The following EEPD1 variants were observed in gnomAD, a reference collection of about 807,000 sequenced individuals.
EEPD1 encodes the protein endonuclease/exonuclease/phosphatase family domain containing 1.
In EEPD1, 17 loss-of-function variants were observed where a neutral mutation model predicts 46.3. That is an observed-to-expected ratio of 0.37 (90% CI 0.25 to 0.55). The LOEUF (loss-of-function observed/expected upper bound fraction) is 0.55, where lower values mean the gene tolerates loss of function less well. EEPD1 is among the 20% of genes least tolerant of loss of function. The pLI is 0.83. For synonymous variants in EEPD1, 313 were observed against 315.6 expected (o/e 0.99, Z 0.09); for missense variants, 673 against 745.6 (o/e 0.90, Z 1.13).
At chr7:36,256,945 C>T (rs908475149) in intron 3 of EEPD1, among the ~76,000 whole-genome samples, 1 of 152,170 alleles carries the variant, frequency 6.6e-6, no homozygotes, top group Non-Finnish European at 1.5e-5. Context: ...TATATTTTTG[C>T]AGTGGCTGGT....
chr7:36,198,498 A>C (rs1453927387), intron 2 of EEPD1, among the ~76,000 whole-genome samples: 4 of 151,314 alleles, frequency 2.6e-5, no homozygotes, highest in Admixed American at 6.6e-5. Context: ...CATTATTGAC[A>C]GAGATGTCAT....
intron 6 of EEPD1, among the ~76,000 whole-genome samples, chr7:36,290,103 A>G (rs904628182): frequency 5.9e-5 from 9 of 152,194 alleles, no homozygotes; most frequent in Non-Finnish European, 2.9e-5. Flanking sequence ...GGACAACTTG[A>G]TAGCTTGTCA....
chr7:36,227,829 A>G (rs1786254629), intron 2 of EEPD1, among the ~76,000 whole-genome samples: 1 of 152,220 alleles, frequency 6.6e-6, no homozygotes, highest in African/African-American at 2.4e-5. Context: ...CTGCGATTAC[A>G]GGCACATGCC....
chr7:36,261,116 G>A (rs73326621), intron 3 of EEPD1, among the ~76,000 whole-genome samples: 14,631 of 152,220 alleles, frequency 0.096, 1,010 homozygotes, highest in East Asian at 0.37. Context: ...ATGTGTGGAT[G>A]TGTGCATGGA....
chr7:36,207,605 C>T (rs889174145), intron 2 of EEPD1, among the ~76,000 whole-genome samples: 3 of 152,166 alleles, frequency 2.0e-5, no homozygotes, highest in Admixed American at 2.0e-4. Flanking sequence ...CGGGGATAAG[C>T]GTGGGAAGGG....
chr7:36,290,126 T>A (rs1787406198), intron 6 of EEPD1, among the ~76,000 whole-genome samples: 1 of 152,182 alleles, frequency 6.6e-6, no homozygotes, highest in Non-Finnish European at 1.5e-5. Flanking sequence ...TCTGTGGACA[T>A]TACTATTGTT....
intron 2 of EEPD1, among the ~76,000 whole-genome samples, chr7:36,173,623 C>G (rs1245124754): frequency 1.3e-5 from 2 of 152,182 alleles, no homozygotes; most frequent in Non-Finnish European, 2.9e-5. Flanking sequence ...CCATGCAGAA[C>G]TGTGAGTCAA....
Position 36,169,134 on chromosome 7 carries a change from G to A in EEPD1, c.878+13932G>A, listed in dbSNP as rs139189053. 3.0e-3 allele frequency among the ~76,000 whole-genome samples: 454 copies of A among 152,268 alleles called. 4 individuals are homozygous for A. The highest frequency in any genetic ancestry group is 0.01 in the African/African-American group (431 of 41,546). On this transcript the variant is annotated intron_variant, in intron 2 of 7. Coordinates refer to ENST00000242108, the MANE Select transcript of EEPD1 (RefSeq NM_030636.3). The stretch of plus-strand genomic sequence containing the variant: ...CATTCATCAGGTGATGGACGTTTGG[G>A]TTGTTTCCACTTTTTGGCTATTATG...
intron 3 of EEPD1, among the ~76,000 whole-genome samples, chr7:36,260,274 T>C (rs1221627483): frequency 6.6e-6 from 1 of 152,262 alleles, no homozygotes; most frequent in African/African-American, 2.4e-5. Flanking sequence ...AGTTTTTGTA[T>C]GGGAATGTAT....
chr7:36,266,827 T>G (rs963832972), intron 3 of EEPD1, among the ~76,000 whole-genome samples: 1 of 152,238 alleles, frequency 6.6e-6, no homozygotes, highest in African/African-American at 2.4e-5. Flanking sequence ...AATGGAGTCA[T>G]ACAATATGTA....
At position 36,263,144 on chromosome 7, in the gene EEPD1, C is replaced by A. The variant is rs144412656; in HGVS notation, c.931-17971C>A. Among the ~76,000 whole-genome samples, 120 of 152,212 alleles carry A rather than the reference C, an allele frequency of 7.9e-4. 1 individual carries two copies. The East Asian group carries it at 0.022, about 28-fold the overall frequency. ...TCAGGAGTTTCAAAACCAGCCTGGGCAACATGGTGAAACTCCATTTATACA... is the reference window on the plus strand; with the variant it reads ...TCAGGAGTTTCAAAACCAGCCTGGGAAACATGGTGAAACTCCATTTATACA... On this transcript the variant is annotated intron_variant, in intron 3 of 7. Transcript: ENST00000242108.
intron 2 of EEPD1, among the ~76,000 whole-genome samples, chr7:36,206,295 T>A (rs1281417743): frequency 6.6e-6 from 1 of 152,192 alleles, no homozygotes; most frequent in Non-Finnish European, 1.5e-5. Context: ...TATGCAATTT[T>A]AAATTTTCTT....
intron 2 of EEPD1, among the ~76,000 whole-genome samples, chr7:36,215,504 G>A (rs186817683): frequency 2.6e-5 from 4 of 152,228 alleles, no homozygotes; most frequent in East Asian, 1.9e-4. Context: ...CCACACATCC[G>A]GAAGCTGATT....
chr7:36,183,075 C>G (rs1382108730), intron 2 of EEPD1, among the ~76,000 whole-genome samples: 2 of 152,164 alleles, frequency 1.3e-5, no homozygotes, highest in Admixed American at 6.5e-5. Flanking sequence ...AGTGGAGAGC[C>G]AGGAGGGCGG....
chr7:36,239,036 G>A lies in EEPD1; in HGVS notation c.930G>A (p.Lys310=). ...QELLDREALE[K]FCTELNQPTL... ...TGCTTGACAGAGAGGCCTTGGAAAA[G>A]GTAAATATTTTACTCTTCCTTCCAC... Residue 310 remains lysine (K), a splice_region_variant and synonymous_variant, in exon 3 of 8, where the codon AAG becomes AAA. Transcript: ENST00000242108. 6.2e-7 allele frequency: 1 copy of A among 1,610,810 alleles called. No individual in the cohort carries two copies. Among genetic ancestry groups the A allele is most frequent in the Non-Finnish European group, 8.5e-7 (1 of 1,179,260 alleles).
At chr7:36,272,521 T>G (rs12670188) in intron 3 of EEPD1, among the ~76,000 whole-genome samples, 380 of 149,086 alleles carry the variant, frequency 2.5e-3, no homozygotes, top group Middle Eastern at 0.01. Context: ...TTTTTTTTTT[T>G]TGTGCTCCCT....
At chr7:36,202,277 C>G (rs1785724286) in intron 2 of EEPD1, among the ~76,000 whole-genome samples, 1 of 152,152 alleles carries the variant, frequency 6.6e-6, no homozygotes, top group African/African-American at 2.4e-5. Context: ...AGTTCTCTCC[C>G]CAGACATTTC....
intron 2 of EEPD1, among the ~76,000 whole-genome samples, chr7:36,227,083 G>C (rs978931051): frequency 6.6e-6 from 1 of 152,042 alleles, no homozygotes; most frequent in Non-Finnish European, 1.5e-5. Flanking sequence ...AGGGGGGGTG[G>C]CCAGAAACAG....
At chr7:36,260,840 G>A (rs544875801) in intron 3 of EEPD1, among the ~76,000 whole-genome samples, 10 of 152,276 alleles carry the variant, frequency 6.6e-5, no homozygotes, top group East Asian at 3.9e-4. Flanking sequence ...ATTCAAAAAC[G>A]AAAATGTTGC....
Sources: gnomAD v4.1 joint callset for allele counts (sites outside exome capture counted in the v4.1 genomes callset) on GRCh38, gnomAD v4.1.1 for gene constraint, MANE v1.5 for transcripts, NCBI Gene and HGNC (gene_info 2026-07-23, HGNC 2026-07-21) for gene names.